The following ZNF557 variants were observed in gnomAD, a reference collection of about 807,000 sequenced individuals.
ZNF557 encodes zinc finger protein 557.
Under a neutral mutation model 21.2 loss-of-function variants are expected in ZNF557, and 19 were observed. The ratio of observed to expected loss-of-function variants is 0.90; its 90% CI spans 0.63 to 1.32. The LOEUF (loss-of-function observed/expected upper bound fraction) is 1.32. ZNF557 is among the 40% of genes most tolerant of loss of function. The pLI, the probability that ZNF557 is intolerant of heterozygous loss-of-function variation, is 0.00. For missense variants in ZNF557, 487 were observed against 519.8 expected, an observed-to-expected ratio of 0.94 and a Z score of 0.61; for synonymous variants, 207 against 194.8, an observed-to-expected ratio of 1.06 and a Z score of -0.52.
At chr19:7,081,889 C>T (rs897564536) in intron 6 of ZNF557, 81 bp from the exon 7 acceptor site, 42 of 1,056,698 alleles carry the variant, frequency 4.0e-5, no homozygotes, top group Middle Eastern at 2.5e-4. Context: ...CCTTCACTCA[C>T]GTATGCATTT....
rs538907839 is a variant in ZNF557, at chr19:7,086,950, G to C, written c.*3206G>C. On this transcript the variant is annotated 3_prime_UTR_variant, in exon 8 of 8. Coordinates refer to ENST00000252840, the MANE Select transcript of ZNF557 (RefSeq NM_024341.3). ...AGGCTGAGGCAGGAGAATCGCTTGA[G>C]CCTGGGAAGCGGAGGTTGCAGTGAG... 2.6e-5 allele frequency: 4 copies of C among 151,652 alleles called. No homozygotes were observed. The highest frequency in any genetic ancestry group is 9.7e-5 in the African/African-American group (4 of 41,378). 9.4% of individuals were successfully genotyped at this position (151,652 alleles called of 1,614,324 possible).
At position 7,072,668 on chromosome 19, in the gene ZNF557, G is replaced by A. The variant is rs992481730; in HGVS notation, c.-80+2015G>A. Reference sequence around the variant, plus strand: ...TTTCCACTGAGCAAGACCCTACCTCGACTCTCAAGACTCAATTCAAATGTT... The same window carrying A: ...TTTCCACTGAGCAAGACCCTACCTCAACTCTCAAGACTCAATTCAAATGTT... On this transcript the variant is annotated intron_variant, in intron 2 of 7. Coordinates refer to ENST00000252840, the MANE Select transcript of ZNF557 (RefSeq NM_024341.3). Among the ~76,000 whole-genome samples, 11 of 152,066 alleles carry A rather than the reference G, an allele frequency of 7.2e-5. No homozygotes were observed. In the East Asian group the frequency reaches 1.5e-3, roughly 21 times the overall value.
intron 5 of ZNF557, among the ~76,000 whole-genome samples, chr19:7,077,327 G>A (rs1450407402): frequency 6.6e-6 from 1 of 151,280 alleles, no homozygotes; most frequent in Non-Finnish European, 1.5e-5. Context: ...ATAGAGATGG[G>A]GTTTCACCAT....
intron 2 of ZNF557, 40 bp from the exon 3 acceptor site, chr19:7,074,955 AG>A: frequency 2.0e-6 from 3 of 1,533,864 alleles, no homozygotes; most frequent in Non-Finnish European, 2.7e-6. Flanking sequence ...CACGGGCTGG[AG>A]GGGGTGACCG....
chr19:7,076,654 CA>C, intron 5 of ZNF557, 147 bp downstream of exon 5: 2 of 1,151,806 alleles, frequency 1.7e-6, no homozygotes, highest in East Asian at 5.2e-5. Flanking sequence ...CGTAGGTTCA[CA>C]GTGTAGTACA....
intron 3 of ZNF557, among the ~76,000 whole-genome samples, 185 bp from the exon 4 acceptor site, chr19:7,075,469 AG>A (rs1375197740): frequency 2.0e-5 from 3 of 152,182 alleles, no homozygotes; most frequent in Non-Finnish European, 2.9e-5. Context: ...TGGATGCGGC[AG>A]GGCCATGCTC....
chr19:7,070,722 C>T (rs1200916923), intron 2 of ZNF557, 69 bp downstream of exon 2: 1 of 151,848 alleles, frequency 6.6e-6, no homozygotes, highest in Admixed American at 6.6e-5. Flanking sequence ...TGGATTTTTC[C>T]TGTGTTCAGG....
Position 7,076,454 on chromosome 19 carries a change from G to T in ZNF557, c.194G>T (p.Arg65Met), listed in dbSNP as rs758824081. ...EEWALLDPAQ[R>M]TLYRDVMLEN... is the part of the protein sequence containing the mutation. ...TGGGCATTGCTGGACCCTGCCCAAA[G>T]GACACTGTACAGGGACGTGATGCTG... The change falls in exon 5 of 8, where the codon AGG (arginine) becomes ATG (methionine). Residue 65 changes from arginine to methionine, a missense_variant. By Grantham distance (91) the Arg-to-Met change is moderately conservative. Transcript: ENST00000252840. The T allele has an allele frequency of 1.2e-6, 2 of 1,614,190 alleles. No individual in the cohort carries two copies. Among genetic ancestry groups the T allele is most frequent in the South Asian group, 2.2e-5 (2 of 91,088 alleles).
chr19:7,082,746 A>T, intron 7 of ZNF557, 132 bp from the exon 8 acceptor site: 1 of 815,214 alleles, frequency 1.2e-6, no homozygotes, highest in Non-Finnish European at 1.8e-6. Flanking sequence ...ATGTACCAGC[A>T]CTCATGATGG....
intron 4 of ZNF557, among the ~76,000 whole-genome samples, chr19:7,075,948 T>C (rs935443524): frequency 1.3e-5 from 2 of 152,148 alleles, no homozygotes; most frequent in Non-Finnish European, 2.9e-5. Flanking sequence ...GAGTACATCA[T>C]GTGCTCCTGA....
intron 5 of ZNF557, among the ~76,000 whole-genome samples, chr19:7,076,936 C>G (rs1201215422): frequency 2.0e-5 from 3 of 151,700 alleles, no homozygotes; most frequent in Non-Finnish European, 4.4e-5. Flanking sequence ...TTTGTAGAGA[C>G]AGGGTCTTGC....
chr19:7,079,434 G>A (rs1182740909), intron 5 of ZNF557, among the ~76,000 whole-genome samples: 1 of 53,608 alleles, frequency 1.9e-5, no homozygotes, highest in Admixed American at 1.8e-4. Context: ...GTAGAGACAG[G>A]GTTCACCGTG....
chr19:7,081,147 TGG>T (rs796247718), intron 5 of ZNF557, among the ~76,000 whole-genome samples: 1 of 142,276 alleles, frequency 7.0e-6, no homozygotes, highest in Non-Finnish European at 1.5e-5. Context: ...ATATTGCTTG[TGG>T]GGTGTGTGTG....
intron 7 of ZNF557, 64 bp downstream of exon 7, chr19:7,082,116 A>G (rs1379246280): frequency 3.7e-6 from 5 of 1,358,450 alleles, no homozygotes; most frequent in Non-Finnish European, 5.2e-6. Flanking sequence ...GAGAAAAGCC[A>G]CAAGGACTGG....
intron 2 of ZNF557, among the ~76,000 whole-genome samples, chr19:7,070,993 T>TG (rs966445230): frequency 5.9e-5 from 9 of 152,232 alleles, no homozygotes; most frequent in Admixed American, 2.6e-4. Flanking sequence ...CTCGAACTCC[T>TG]GACTTCAGGT....
At chr19:7,074,455 A>G (rs1977532271) in intron 2 of ZNF557, among the ~76,000 whole-genome samples, 1 of 151,436 alleles carries the variant, frequency 6.6e-6, no homozygotes, top group Non-Finnish European at 1.5e-5. Context: ...CTCTATTGAT[A>G]TCTAGAGATC....
rs1977780391 is a variant in ZNF557, at chr19:7,084,017, C to T, written c.*273C>T. On this transcript the variant is annotated 3_prime_UTR_variant, in exon 8 of 8. Transcript: ENST00000252840. Reference sequence around the variant, plus strand: ...TCCAGAATTGTTACTGGTGAAGGGACCACTTCCAAATGGCTTACAAGCCCG... The same window carrying T: ...TCCAGAATTGTTACTGGTGAAGGGATCACTTCCAAATGGCTTACAAGCCCG... 1 of 374,060 alleles carries T rather than the reference C, an allele frequency of 2.7e-6. No individual in the cohort carries two copies. The highest frequency in any genetic ancestry group is 3.1e-5 in the South Asian group (1 of 32,150). The allele number at this position is 374,060 out of a possible 1,614,324, so 23.2% of individuals were successfully genotyped here. A position where few individuals can be genotyped will look rare whatever the true frequency, so the allele number is the denominator to read the frequency against.
chr19:7,079,597 T>C (rs932393753), intron 5 of ZNF557, among the ~76,000 whole-genome samples: 13 of 152,186 alleles, frequency 8.5e-5, no homozygotes, highest in African/African-American at 2.9e-4. Flanking sequence ...ACTTTCAGAA[T>C]ATTACAATAT....
chr19:7,085,715 A>G lies in ZNF557; in HGVS notation c.*1971A>G, dbSNP rs1470271731. The stretch of plus-strand genomic sequence containing the variant: ...TAGAACAAAAGGTGTAAGTGCTATG[A>G]ATGTGGAATTACCTTCATCAATGTC... On this transcript the variant is annotated 3_prime_UTR_variant, in exon 8 of 8. Coordinates refer to ENST00000252840, the MANE Select transcript of ZNF557 (RefSeq NM_024341.3). The G allele has an allele frequency of 2.0e-5, 3 of 152,150 alleles. No individual in the cohort carries two copies. Among genetic ancestry groups the G allele is most frequent in the Non-Finnish European group, 4.4e-5 (3 of 68,038 alleles). 9.4% of individuals were successfully genotyped at this position (152,150 alleles called of 1,614,324 possible).
Sources: allele counts gnomAD v4.1 joint callset (sites outside exome capture counted in the v4.1 genomes callset), GRCh38; gene constraint gnomAD v4.1.1; transcripts MANE v1.5; gene names NCBI Gene and HGNC (gene_info 2026-07-23, HGNC 2026-07-21).